Variants in ESR2 observed in about 807,000 individuals in gnomAD.
The protein encoded by ESR2 is estrogen receptor beta.
Under a neutral mutation model 49.6 loss-of-function variants are expected in ESR2, and 36 were observed. The observed-to-expected ratio is 0.73, with a 90% CI of 0.56 to 0.96. ESR2 has a LOEUF of 0.96. ESR2 is among the 40% of genes least tolerant of loss of function. The pLI, the probability that ESR2 is intolerant of heterozygous loss-of-function variation, is 0.00. For missense variants in ESR2, 714 were observed against 693.0 expected, an observed-to-expected ratio of 1.03 and a Z score of -0.34; for synonymous variants, 320 against 266.1, an observed-to-expected ratio of 1.20 and a Z score of -1.97.
At chr14:64,240,250 A>G (rs2075692193) in intron 7 of ESR2, among the ~76,000 whole-genome samples, 1 of 152,258 alleles carries the variant, frequency 6.6e-6, no homozygotes, top group African/African-American at 2.4e-5. Context: ...CAAACTATGC[A>G]GGAGACCATC....
chr14:64,239,634 G>T (rs1424906313), intron 7 of ESR2, among the ~76,000 whole-genome samples: 1 of 152,124 alleles, frequency 6.6e-6, no homozygotes, highest in Admixed American at 6.5e-5. Context: ...TTGGGTGTTG[G>T]GTAGGCTATT....
At chr14:64,309,717 C>T (rs556474796) in intron 1 of ESR2, among the ~76,000 whole-genome samples, 4 of 152,172 alleles carry the variant, frequency 2.6e-5, no homozygotes, top group African/African-American at 9.6e-5. Flanking sequence ...CACCTGTAAT[C>T]CCAGCACTTT....
intron 7 of ESR2, among the ~76,000 whole-genome samples, chr14:64,246,861 A>G (rs1220131183): frequency 6.6e-6 from 1 of 152,072 alleles, no homozygotes; most frequent in African/African-American, 2.4e-5. Context: ...AATGGTAACA[A>G]TAAACAGGGA....
chr14:64,327,129 T>C (rs536925285), intron 1 of ESR2, among the ~76,000 whole-genome samples: 1 of 152,038 alleles, frequency 6.6e-6, no homozygotes, highest in Non-Finnish European at 1.5e-5. Context: ...CTAGAATGGG[T>C]TTTTTTTGTT....
intron 1 of ESR2, among the ~76,000 whole-genome samples, chr14:64,323,812 C>T (rs1375149595): frequency 6.6e-6 from 1 of 152,130 alleles, no homozygotes; most frequent in African/African-American, 2.4e-5. Context: ...CTGCTTCAAC[C>T]TCCCAAGTAG....
At chr14:64,248,591 G>C (rs1403844803) in intron 7 of ESR2, among the ~76,000 whole-genome samples, 2 of 150,900 alleles carry the variant, frequency 1.3e-5, no homozygotes, top group Non-Finnish European at 2.9e-5. Context: ...AGGTATTCCT[G>C]ATGATTTTAT....
chr14:64,242,440 CAAACAA>C (rs1482615160), intron 7 of ESR2, among the ~76,000 whole-genome samples: 27 of 90,064 alleles, frequency 3.0e-4, no homozygotes, highest in African/African-American at 9.4e-4. Context: ...AACAAACAAA[CAAACAA>C]AAAAAATATA....
chr14:64,254,982 A>C (rs912156850), intron 6 of ESR2, among the ~76,000 whole-genome samples: 2 of 152,170 alleles, frequency 1.3e-5, no homozygotes, highest in Non-Finnish European at 2.9e-5. Context: ...AATAATTTGT[A>C]AGAAAAATAA....
At chr14:64,252,421 C>T (rs1267695667) in intron 6 of ESR2, among the ~76,000 whole-genome samples, 1 of 152,150 alleles carries the variant, frequency 6.6e-6, no homozygotes, top group Non-Finnish European at 1.5e-5. Flanking sequence ...TGCACACTAT[C>T]TGTCCATAAA....
chr14:64,333,439 T>C (rs1358027623), intron 1 of ESR2, among the ~76,000 whole-genome samples: 1 of 152,206 alleles, frequency 6.6e-6, no homozygotes, highest in Non-Finnish European at 1.5e-5. Flanking sequence ...TTATTTTCTT[T>C]GTAGCTTTTT....
At chr14:64,243,009 A>G (rs8013331) in intron 7 of ESR2, among the ~76,000 whole-genome samples, 10,142 of 152,266 alleles carry the variant, frequency 0.067, 391 homozygotes, top group Non-Finnish European at 0.08. Flanking sequence ...TTTATTCACT[A>G]TCATGAGAAC....
intron 7 of ESR2, among the ~76,000 whole-genome samples, chr14:64,247,474 A>C (rs780897069): frequency 6.6e-6 from 1 of 152,232 alleles, no homozygotes; most frequent in Non-Finnish European, 1.5e-5. Flanking sequence ...TCTTGGCTTC[A>C]GGAACTGCTA....
Position 64,314,972 on chromosome 14 carries a change from C to T in ESR2, c.-91+22926G>A, listed in dbSNP as rs559948303. The stretch of plus-strand genomic sequence containing the variant: ...CACAAATGAGAGAAGACTGGATGGA[C>T]GCGGTGGCTCATGCCTGTAATCCCA... On this transcript the variant is annotated intron_variant, in intron 1 of 8. Transcript: ENST00000358599. Among the ~76,000 whole-genome samples the T allele has an allele frequency of 6.4e-4, 97 of 150,392 alleles. No homozygotes were observed. In the South Asian group the frequency reaches 7.1e-3, roughly 11 times the overall value.
intron 1 of ESR2, chr14:64,329,344 A>T (rs537488465): frequency 6.6e-6 from 1 of 152,276 alleles, no homozygotes; most frequent in Non-Finnish European, 1.5e-5. Context: ...CACCTTCAAC[A>T]TTAGTGATCA....
chr14:64,330,558 G>C (rs1442685348), intron 1 of ESR2: 1 of 152,186 alleles, frequency 6.6e-6, no homozygotes, highest in Non-Finnish European at 1.5e-5. Context: ...CTGTCTGTTG[G>C]CAGAATTTTT....
chr14:64,227,617 T>TA, downstream of ESR2: 1 of 1,614,170 alleles, frequency 6.2e-7, no homozygotes, highest in Middle Eastern at 1.6e-4. Context: ...TTTCTGCCCT[T>TA]AAGTAGAGAT....
Position 64,314,271 on chromosome 14 carries a change from A to G in ESR2, c.-91+23627T>C, listed in dbSNP as rs1206483261. ...TGAAACAAGTACTCCTAAATAAAAC[A>G]TAGGTCAAGGGAAATTTTAAAAATA... On this transcript the variant is annotated intron_variant, in intron 1 of 8. Coordinates refer to the ESR2 transcript ENST00000358599. Among the ~76,000 whole-genome samples, 3 of 152,084 alleles carry G rather than the reference A, an allele frequency of 2.0e-5. 1 individual carries two copies. The highest frequency in any genetic ancestry group is 2.0e-4 in the Admixed American group (3 of 15,262).
Position 64,292,115 on chromosome 14 carries a change from G to C in ESR2, c.-91+1918C>G, listed in dbSNP as rs1206854406. Among the ~76,000 whole-genome samples the C allele has an allele frequency of 3.3e-5, 5 of 152,186 alleles. No individual in the cohort carries two copies. The East Asian group carries it at 7.7e-4, about 23-fold the overall frequency. On this transcript the variant is annotated intron_variant, in intron 1 of 8. Coordinates refer to ENST00000341099, the MANE Select transcript of ESR2 (RefSeq NM_001437.3). ...ATTTAACACTTAGTCCAAGTCTCAA[G>C]TTTCCCATTTGCAAATAGCATTGTC...
intron 1 of ESR2, among the ~76,000 whole-genome samples, chr14:64,333,836 A>G (rs973756623): frequency 6.6e-6 from 1 of 152,172 alleles, no homozygotes. Context: ...CAGACAAACC[A>G]TATCATATGA....
Sources: gnomAD v4.1 joint callset for allele counts (sites outside exome capture counted in the v4.1 genomes callset) on GRCh38, gnomAD v4.1.1 for gene constraint, MANE v1.5 for transcripts, NCBI Gene and HGNC (gene_info 2026-07-23, HGNC 2026-07-21) for gene names.